Variants in ACOXL observed in about 807,000 individuals in gnomAD.
ACOXL encodes acyl-coenzyme A oxidase-like protein.
In ACOXL, 70 loss-of-function variants were observed where a neutral mutation model predicts 71.9. The observed-to-expected ratio is 0.97, with a 90% CI of 0.80 to 1.19. The LOEUF (loss-of-function observed/expected upper bound fraction) is 1.19. ACOXL is among the 50% of genes most tolerant of loss of function. The pLI, the probability that ACOXL is intolerant of heterozygous loss-of-function variation, is 0.00. For missense variants in ACOXL, 703 were observed against 736.3 expected, an observed-to-expected ratio of 0.95 and a Z score of 0.52; for synonymous variants, 253 against 281.6, an observed-to-expected ratio of 0.90 and a Z score of 1.02.
At chr2:111,011,187 T>C (rs2064134084) in intron 14 of ACOXL, among the ~76,000 whole-genome samples, 1 of 152,152 alleles carries the variant, frequency 6.6e-6, no homozygotes, top group African/African-American at 2.4e-5. Context: ...AATTATGCTA[T>C]TATAAGATTT....
intron 9 of ACOXL, among the ~76,000 whole-genome samples, chr2:110,829,218 G>A (rs958310248): frequency 1.3e-5 from 2 of 152,136 alleles, no homozygotes; most frequent in South Asian, 2.1e-4. Context: ...TTCTTTTTGT[G>A]TCCTTTGTAG....
chr2:110,735,600 T>C (rs1224078730), intron 1 of ACOXL, among the ~76,000 whole-genome samples: 1 of 152,176 alleles, frequency 6.6e-6, no homozygotes, highest in Admixed American at 6.5e-5. Context: ...CCAGGGGCAA[T>C]GTAGGCACAG....
intron 2 of ACOXL, among the ~76,000 whole-genome samples, chr2:110,781,505 G>A (rs964289286): frequency 3.3e-5 from 5 of 151,996 alleles, no homozygotes; most frequent in Admixed American, 6.5e-5. Flanking sequence ...AGCCAGGCAT[G>A]GTGGCGCGCA....
chr2:111,024,895 A>C (rs2064949134), intron 14 of ACOXL, among the ~76,000 whole-genome samples: 1 of 149,222 alleles, frequency 6.7e-6, no homozygotes, highest in South Asian at 2.1e-4. Context: ...TATATAATAT[A>C]TAAATGTATA....
intron 2 of ACOXL, among the ~76,000 whole-genome samples, chr2:110,779,678 C>G (rs575534694): frequency 3.2e-4 from 49 of 152,140 alleles, no homozygotes; most frequent in Non-Finnish European, 6.6e-4. Context: ...CATATATGAC[C>G]AATTGAGTTG....
At chr2:110,822,153 A>G (rs1002265918) in intron 9 of ACOXL, among the ~76,000 whole-genome samples, 6 of 152,050 alleles carry the variant, frequency 3.9e-5, no homozygotes, top group Non-Finnish European at 5.9e-5. Flanking sequence ...CGTGGCTGGG[A>G]TGTTGTTACT....
chr2:111,097,605 A>G (rs1304544473), intron 17 of ACOXL, among the ~76,000 whole-genome samples: 1 of 152,220 alleles, frequency 6.6e-6, no homozygotes, highest in African/African-American at 2.4e-5. Flanking sequence ...CTGGTGTCAG[A>G]AAGTAAGAAA....
chr2:110,979,104 C>T (rs779680752), intron 12 of ACOXL, among the ~76,000 whole-genome samples: 73 of 146,466 alleles, frequency 5.0e-4, no homozygotes, highest in Non-Finnish European at 8.8e-4. Context: ...GAACAACAGC[C>T]GGCCCTGCGC....
At chr2:110,870,737 A>C (rs896919533) in intron 10 of ACOXL, among the ~76,000 whole-genome samples, 2 of 152,194 alleles carry the variant, frequency 1.3e-5, no homozygotes. Context: ...AAATTTTTCT[A>C]GATATGATGT....
chr2:111,102,330 G>A (rs572682547), intron 17 of ACOXL, among the ~76,000 whole-genome samples: 2 of 152,348 alleles, frequency 1.3e-5, no homozygotes, highest in African/African-American at 2.4e-5. Flanking sequence ...GTTTCCTCAT[G>A]GCAGCCACCT....
chr2:110,984,037 G>A (rs1357485687), intron 12 of ACOXL, among the ~76,000 whole-genome samples: 1 of 151,956 alleles, frequency 6.6e-6, no homozygotes, highest in African/African-American at 2.4e-5. Context: ...GTAGAGACGG[G>A]GTTTCACTAT....
intron 14 of ACOXL, among the ~76,000 whole-genome samples, chr2:111,025,245 G>A (rs1001362588): frequency 1.3e-5 from 2 of 152,172 alleles, no homozygotes; most frequent in Non-Finnish European, 1.5e-5. Context: ...GTAGATGTAC[G>A]CACTGCTTCC....
At chr2:111,033,701 G>A (rs1405742721) in intron 15 of ACOXL, among the ~76,000 whole-genome samples, 1 of 152,176 alleles carries the variant, frequency 6.6e-6, no homozygotes, top group African/African-American at 2.4e-5. Context: ...CATATCTGGG[G>A]TATGAAACAG....
chr2:111,073,898 C>T (rs533907805), intron 16 of ACOXL, among the ~76,000 whole-genome samples: 2 of 152,216 alleles, frequency 1.3e-5, no homozygotes, highest in East Asian at 1.9e-4. Context: ...TTTATTAGTT[C>T]CTCTTTGATT....
At chr2:110,989,198 T>C (rs2063068506) in intron 13 of ACOXL, among the ~76,000 whole-genome samples, 1 of 152,168 alleles carries the variant, frequency 6.6e-6, no homozygotes, top group African/African-American at 2.4e-5. Flanking sequence ...ATTTTATTTT[T>C]CTCCTTTGTG....
intron 17 of ACOXL, among the ~76,000 whole-genome samples, chr2:111,094,872 C>T (rs1321350117): frequency 3.3e-5 from 5 of 152,096 alleles, no homozygotes; most frequent in South Asian, 2.1e-4. Context: ...CAGGAACAGA[C>T]GGGTAATTGT....
At position 110,800,511 on chromosome 2, in the gene ACOXL, A is replaced by ATT. The variant is rs113596812; in HGVS notation, c.548-1128_548-1127dup. Among the ~76,000 whole-genome samples the ATT allele has an allele frequency of 1.4e-3, 200 of 146,534 alleles. 1 individual carries two copies. Among genetic ancestry groups the ATT allele is most frequent in the Middle Eastern group, 3.7e-3 (1 of 270 alleles). On this transcript the variant is annotated intron_variant, in intron 7 of 17. Transcript: ENST00000439055. ...TAAGGATTAGGGCTTTGATACATGA[A>ATT]TTTTTTTTTTTTTTGTGGGGAGGAC... is the stretch of plus-strand genomic sequence containing the variant.
chr2:110,793,512 G>A lies in ACOXL; in HGVS notation c.160-138G>A, dbSNP rs1308202201. On this transcript the variant is annotated intron_variant, in intron 3 of 17. Coordinates refer to ENST00000439055, the MANE Select transcript of ACOXL (RefSeq NM_001142807.4). ...CCAGGCAGTGAAGAGGAAGGGCAAA[G>A]AAGCATGCCACTTGCAGGGCTTAGG... The A allele has an allele frequency of 5.5e-5, 41 of 745,414 alleles. No homozygotes were observed. In the Admixed American group the frequency reaches 6.5e-4, roughly 12 times the overall value. 46.2% of individuals were successfully genotyped at this position (745,414 alleles called of 1,614,324 possible).
intron 1 of ACOXL, among the ~76,000 whole-genome samples, chr2:110,755,670 T>G (rs550456691): frequency 1.3e-5 from 2 of 152,350 alleles, no homozygotes; most frequent in South Asian, 4.1e-4. Flanking sequence ...TATTTATGAA[T>G]TTGTTATGGC....
Sources: allele counts gnomAD v4.1 joint callset (sites outside exome capture counted in the v4.1 genomes callset), GRCh38; gene constraint gnomAD v4.1.1; transcripts MANE v1.5; gene names NCBI Gene and HGNC (gene_info 2026-07-23, HGNC 2026-07-21).